The following ZSCAN5A variants were observed in gnomAD, a reference collection of about 807,000 sequenced individuals.
The protein encoded by ZSCAN5A is zinc finger and SCAN domain containing 5A.
ZSCAN5A carries 12 observed loss-of-function variants against 23.7 expected under a neutral mutation model. That is an observed-to-expected ratio of 0.51 (90% confidence interval 0.32 to 0.82). ZSCAN5A has a LOEUF of 0.82. Ranked by LOEUF, ZSCAN5A falls within the 40% of genes least tolerant of loss-of-function variation. The probability of loss-of-function intolerance (pLI) is 0.03; values close to 1 mark genes in which losing one functional copy is unlikely to be tolerated. For synonymous variants in ZSCAN5A, 257 were observed against 239.9 expected, an observed-to-expected ratio of 1.07 and a Z score of -0.66; for missense variants, 597 against 617.9, an observed-to-expected ratio of 0.97 and a Z score of 0.36.
chr19:56,221,922 T>C lies in ZSCAN5A; in HGVS notation c.1144A>G (p.Arg382Gly). The C allele has an allele frequency of 6.2e-7, 1 of 1,614,202 alleles. No individual in the cohort carries two copies. The highest frequency in any genetic ancestry group is 2.2e-5 in the East Asian group (1 of 44,878). The stretch of plus-strand genomic sequence containing the variant: ...CCACAGAGATTACATTGAAAGAGTC[T>C]CTCGCCTGTGTGTGATCTCTTGTGG... ...VIHKRSHTGE[R>G]LFQCNLCGKR... Residue 382 changes from arginine (R) to glycine (G), a missense_variant, in exon 6 of 6, where the codon AGA becomes GGA. By Grantham distance (125) the Arg-to-Gly change is moderately radical. Coordinates refer to ENST00000683990, the MANE Select transcript of ZSCAN5A (RefSeq NM_001322064.3).
At chr19:56,237,700 G>T (rs545057287) in intron 2 of ZSCAN5A, among the ~76,000 whole-genome samples, 1 of 151,886 alleles carries the variant, frequency 6.6e-6, no homozygotes, top group African/African-American at 2.4e-5. Flanking sequence ...CGGGCGGATC[G>T]CTTGAGCTCA....
chr19:56,321,368 C>A, intron 2 of ZSCAN5A: 3 of 641,362 alleles, frequency 4.7e-6, no homozygotes, highest in South Asian at 3.4e-5. Context: ...ATGTGGACAC[C>A]AGCAGTTGGC....
chr19:56,308,095 G>A (rs1047811422), intron 2 of ZSCAN5A, among the ~76,000 whole-genome samples: 8 of 152,148 alleles, frequency 5.3e-5, no homozygotes, highest in South Asian at 2.1e-4. Flanking sequence ...GCGCAGTGGC[G>A]CAATCTTGGC....
At chr19:56,265,924 G>A (rs12978423) in intron 2 of ZSCAN5A, among the ~76,000 whole-genome samples, 100,246 of 151,954 alleles carry the variant, frequency 0.66, 34,355 homozygotes, top group South Asian at 0.78. Flanking sequence ...AAATGGGCAC[G>A]TGCATTAACT....
chr19:56,227,846 G>T (rs12462210), intron 2 of ZSCAN5A, among the ~76,000 whole-genome samples: 12 of 151,804 alleles, frequency 7.9e-5, no homozygotes, highest in African/African-American at 2.4e-4. Context: ...TAGAGCCCAG[G>T]AGTTCAGGAC....
intron 2 of ZSCAN5A, among the ~76,000 whole-genome samples, chr19:56,337,377 C>T (rs1436746450): frequency 6.6e-6 from 1 of 152,244 alleles, no homozygotes; most frequent in African/African-American, 2.4e-5. Context: ...TAGGACCCTC[C>T]AAGCCATGTG....
intron 4 of ZSCAN5A, 102 bp from the exon 5 acceptor site, chr19:56,222,843 C>T (rs894871279): frequency 1.3e-6 from 2 of 1,534,888 alleles, no homozygotes; most frequent in African/African-American, 1.4e-5. Context: ...CTTCTAATGA[C>T]ACAGGTGTGG....
intron 2 of ZSCAN5A, chr19:56,247,191 C>T (rs1273733995): frequency 2.5e-5 from 13 of 521,022 alleles, no homozygotes; most frequent in South Asian, 4.8e-5. Flanking sequence ...CAGACCTCCG[C>T]GTCCACCAGC....
intron 2 of ZSCAN5A, among the ~76,000 whole-genome samples, chr19:56,333,826 T>C (rs1024601304): frequency 1.3e-5 from 2 of 151,864 alleles, no homozygotes; most frequent in African/African-American, 2.4e-5. Context: ...GCTCACACCT[T>C]CTAGGGAGAC....
Position 56,249,458 on chromosome 19 carries a change from G to C in ZSCAN5A, c.-127-24285C>G, listed in dbSNP as rs542684228. On this transcript the variant is annotated intron_variant, in intron 2 of 5. Coordinates refer to ENST00000683990, the MANE Select transcript of ZSCAN5A (RefSeq NM_001322064.3). ...TGGCTAATTTTTTATTTTTAGTAGAGACAGGGTTTCGCCATGTTGGCCAGG... is the reference window on the plus strand; with the variant it reads ...TGGCTAATTTTTTATTTTTAGTAGACACAGGGTTTCGCCATGTTGGCCAGG... 2.6e-4 allele frequency among the ~76,000 whole-genome samples: 39 copies of C among 152,274 alleles called. No homozygotes were observed. In the South Asian group the frequency reaches 7.5e-3, roughly 29 times the overall value.
intron 2 of ZSCAN5A, among the ~76,000 whole-genome samples, chr19:56,330,565 A>T (rs1205950440): frequency 2.6e-5 from 4 of 152,076 alleles, no homozygotes; most frequent in Admixed American, 1.3e-4. Flanking sequence ...TGTGGTTTTG[A>T]CTTTCATTTC....
intron 1 of ZSCAN5A, chr19:56,367,308 G>A (rs975507921): frequency 6.6e-6 from 1 of 152,222 alleles, no homozygotes; most frequent in Admixed American, 6.5e-5. Context: ...GCTGCAGTGA[G>A]CTATGATGGT....
intron 2 of ZSCAN5A, among the ~76,000 whole-genome samples, chr19:56,341,981 T>A (rs2147449643): frequency 6.6e-6 from 1 of 152,262 alleles, no homozygotes; most frequent in South Asian, 2.1e-4. Context: ...AAATATCTTA[T>A]AATTTATTGA....
intron 4 of ZSCAN5A, 24 bp downstream of exon 4, chr19:56,223,607 G>C: frequency 1.2e-6 from 2 of 1,611,230 alleles, no homozygotes; most frequent in Non-Finnish European, 1.7e-6. Flanking sequence ...CCTCTGCCCA[G>C]ACACCAAGGC....
intron 2 of ZSCAN5A, among the ~76,000 whole-genome samples, chr19:56,268,923 T>A (rs1244002756): frequency 6.6e-6 from 1 of 152,208 alleles, no homozygotes. Flanking sequence ...TGCATAATAT[T>A]TTCAAGGTTC....
intron 2 of ZSCAN5A, among the ~76,000 whole-genome samples, chr19:56,258,439 GT>G (rs1286797977): frequency 2.1e-3 from 297 of 139,460 alleles, no homozygotes; most frequent in African/African-American, 9.1e-3. Flanking sequence ...TCCAGTGTGG[GT>G]GTTGACAGAC....
intron 2 of ZSCAN5A, among the ~76,000 whole-genome samples, chr19:56,339,278 TTAGCAATATGCGAAGGAGCGGCTGTA>T (rs2041570549): frequency 6.6e-6 from 1 of 151,886 alleles, no homozygotes. Flanking sequence ...GTAGCCATAT[TTAGCAATATGCGAAGGAGCGGCTGTA>T]GCCGCATTTA....
intron 2 of ZSCAN5A, among the ~76,000 whole-genome samples, chr19:56,240,559 C>T (rs1425895941): frequency 1.3e-5 from 2 of 152,150 alleles, no homozygotes; most frequent in African/African-American, 4.8e-5. Flanking sequence ...GAGGCCATGT[C>T]TGTGGGGTTT....
rs914408836 is a variant in ZSCAN5A, at chr19:56,283,086, A to G, written c.-128+30197T>C. ...TCCTTCCTAGGTGGGGCAATCTTAG[A>G]GAAGTCACTTCACCTCTCTGTGCCT... On this transcript the variant is annotated intron_variant, in intron 2 of 5. Transcript: ENST00000683990. 5 of 152,316 alleles carry G rather than the reference A, an allele frequency of 3.3e-5. 1 individual carries two copies. The highest frequency in any genetic ancestry group is 3.3e-4 in the Admixed American group (5 of 15,290). 9.4% of individuals were successfully genotyped at this position (152,316 alleles called of 1,614,324 possible).
Sources: gnomAD v4.1 joint callset for allele counts (sites outside exome capture counted in the v4.1 genomes callset) on GRCh38, gnomAD v4.1.1 for gene constraint, MANE v1.5 for transcripts, NCBI Gene and HGNC (gene_info 2026-07-23, HGNC 2026-07-21) for gene names.